The following ASB15 variants were observed in gnomAD, a reference collection of about 807,000 sequenced individuals.
The protein encoded by ASB15 is ankyrin repeat and SOCS box containing 15, also known as ankyrin repeat and SOCS box protein 15.
In ASB15, 54 loss-of-function variants were observed where a neutral mutation model predicts 58.0. That is an observed-to-expected ratio of 0.93 (90% CI 0.75 to 1.17). The LOEUF (loss-of-function observed/expected upper bound fraction) is 1.17. ASB15 is among the 50% of genes most tolerant of loss of function. The pLI, the probability that ASB15 is intolerant of heterozygous loss-of-function variation, is 0.00. For synonymous variants in ASB15, 249 were observed against 262.4 expected (o/e 0.95, Z 0.50); for missense variants, 680 against 707.4 (o/e 0.96, Z 0.44).
chr7:123,596,020 A>G lies in ASB15; in HGVS notation c.-442-8012A>G, dbSNP rs55899612. On this transcript the variant is annotated intron_variant, in intron 1 of 13. Coordinates refer to the ASB15 transcript ENST00000451558. Reference sequence around the variant, plus strand: ...AAATCTTGAAATCAAGCCATAACTAAGCCAAATATGTAGTAAATACTTTGG... The same window carrying G: ...AAATCTTGAAATCAAGCCATAACTAGGCCAAATATGTAGTAAATACTTTGG... Among the ~76,000 whole-genome samples the G allele has an allele frequency of 7.5e-3, 1,140 of 152,320 alleles. 17 individuals carry two copies. The highest frequency in any genetic ancestry group is 0.026 in the African/African-American group (1,095 of 41,562).
chr7:123,577,223 C>A (rs1315784166), intron 1 of ASB15, among the ~76,000 whole-genome samples: 1 of 151,996 alleles, frequency 6.6e-6, no homozygotes, highest in Non-Finnish European at 1.5e-5. Context: ...GAGTTTTTCC[C>A]ATTATTGCAG....
chr7:123,626,234 T>C (rs954499928), intron 8 of ASB15, among the ~76,000 whole-genome samples: 1 of 152,230 alleles, frequency 6.6e-6, no homozygotes, highest in Non-Finnish European at 1.5e-5. Flanking sequence ...CCGGGCACCA[T>C]GGCTCATGCC....
rs150811131 is a variant in ASB15 at position 123,608,400 on chromosome 7, T to A, written c.-63-194T>A. Among the ~76,000 whole-genome samples the A allele has an allele frequency of 5.6e-3, 859 of 152,364 alleles. 8 individuals are homozygous for A. The highest frequency in any genetic ancestry group is 0.037 in the Middle Eastern group (11 of 294). On this transcript the variant is annotated intron_variant, in intron 2 of 11. Transcript: ENST00000451215. ...CATGCCAGATATCATGTTTAGTTTC[T>A]ACAGATCATTTTGCCTTTTATATCT...
chr7:123,631,531 A>C (rs1448058342), intron 11 of ASB15, among the ~76,000 whole-genome samples: 1 of 152,130 alleles, frequency 6.6e-6, no homozygotes, highest in African/African-American at 2.4e-5. Context: ...GCATTCTTGA[A>C]AACCACTTCT....
intron 1 of ASB15, among the ~76,000 whole-genome samples, chr7:123,585,531 A>G (rs918321266): frequency 6.6e-5 from 10 of 151,848 alleles, no homozygotes; most frequent in African/African-American, 2.4e-4. Context: ...TAAAACGTGT[A>G]TATACATAAT....
chr7:123,590,313 C>G (rs1039712522), intron 1 of ASB15, among the ~76,000 whole-genome samples: 11 of 152,158 alleles, frequency 7.2e-5, no homozygotes, highest in Non-Finnish European at 1.2e-4. Flanking sequence ...TGTGCAGAAG[C>G]TCTTTAGTTT....
intron 1 of ASB15, among the ~76,000 whole-genome samples, chr7:123,578,828 G>C (rs1429746264): frequency 6.6e-6 from 1 of 151,834 alleles, no homozygotes; most frequent in Admixed American, 6.6e-5. Context: ...CCCTATTTTT[G>C]TCAATCTATT....
chr7:123,619,879 A>C (rs1010772530), intron 7 of ASB15: 1 of 152,354 alleles, frequency 6.6e-6, no homozygotes, highest in Non-Finnish European at 1.5e-5. Flanking sequence ...AATTCAGATA[A>C]GATGGGAAAA....
chr7:123,623,987 GAAAGAA>G (rs1562936095), intron 7 of ASB15, among the ~76,000 whole-genome samples: 26 of 128,692 alleles, frequency 2.0e-4, no homozygotes, highest in Non-Finnish European at 3.3e-4. Context: ...AAGAAAGAAA[GAAAGAA>G]AGAGAAAGGA....
In ASB15 at chr7:123,623,434, T is replaced by C. The variant is rs114402526; in HGVS notation, c.452-1135T>C. Among the ~76,000 whole-genome samples the C allele has an allele frequency of 6.8e-3, 1,032 of 152,254 alleles. 13 individuals are homozygous for C. Among genetic ancestry groups the C allele is most frequent in the African/African-American group, 0.024 (980 of 41,550 alleles). ...ACAGTATAATTTCAGCCATTAGAGA[T>C]GAGCAGAGAGGGAGAGGGACAACTG... On this transcript the variant is annotated intron_variant, in intron 7 of 11. Coordinates refer to ENST00000451215, the MANE Select transcript of ASB15 (RefSeq NM_001290258.2).
upstream of ASB15, among the ~76,000 whole-genome samples, chr7:123,601,681 A>T (rs928703705): frequency 2.6e-5 from 4 of 152,162 alleles, no homozygotes; most frequent in African/African-American, 9.7e-5. Context: ...TAATCTTATT[A>T]TACCTCTGTA....
chr7:123,589,588 GT>G (rs1418312412), intron 1 of ASB15, among the ~76,000 whole-genome samples: 1 of 151,962 alleles, frequency 6.6e-6, no homozygotes. Flanking sequence ...TTATGTCCTT[GT>G]GATATTTTGC....
intron 1 of ASB15, among the ~76,000 whole-genome samples, chr7:123,591,996 A>G (rs946408429): frequency 1.3e-5 from 2 of 152,110 alleles, no homozygotes; most frequent in African/African-American, 4.8e-5. Flanking sequence ...TGGTCTATTC[A>G]GAGATTCAAC....
chr7:123,616,588 A>G (rs913133373), intron 6 of ASB15, 93 bp downstream of exon 6: 52 of 1,332,676 alleles, frequency 3.9e-5, no homozygotes, highest in Non-Finnish European at 5.0e-5. Context: ...ACTAGCAGAA[A>G]GAAAAGGCAG....
At position 123,614,593 on chromosome 7, in the gene ASB15, G is replaced by A. The variant is rs117305226; in HGVS notation, c.91G>A (p.Ala31Thr). 1,390 of 1,603,130 alleles carry A rather than the reference G, an allele frequency of 8.7e-4. 46 individuals are homozygous for A. The East Asian group carries it at 0.031, about 35-fold the overall frequency. ...AGAATCCATTGAAGCCAGCAAGACT[G>A]CACTTTGTCCTGAAAGGTAGTATTC... Reference protein sequence around the residue: ...IQESIEASKTALCPERFVPLS... With the variant: ...IQESIEASKTTLCPERFVPLS... The change falls in exon 4 of 12, where the codon GCA becomes ACA. Residue 31 changes from alanine (A) to threonine (T), a missense_variant. Ala to Thr is a moderately conservative substitution (Grantham distance 58, BLOSUM62 0). Coordinates refer to ENST00000451215, the MANE Select transcript of ASB15 (RefSeq NM_001290258.2).
At chr7:123,592,799 G>A (rs189796873) in intron 1 of ASB15, among the ~76,000 whole-genome samples, 4 of 150,180 alleles carry the variant, frequency 2.7e-5, no homozygotes, top group Admixed American at 2.0e-4. Context: ...TGTGCATTAC[G>A]TCTGAATTCA....
intron 1 of ASB15, among the ~76,000 whole-genome samples, chr7:123,570,977 G>A (rs1288438234): frequency 6.6e-6 from 1 of 152,122 alleles, no homozygotes; most frequent in African/African-American, 2.4e-5. Context: ...ATTTCCATCT[G>A]TAAAACACAC....
chr7:123,579,754 G>A (rs1188707663), intron 1 of ASB15, among the ~76,000 whole-genome samples: 2 of 151,960 alleles, frequency 1.3e-5, no homozygotes, highest in African/African-American at 4.8e-5. Flanking sequence ...TTATGCTATA[G>A]AATGCATTGT....
intron 7 of ASB15, 54 bp downstream of exon 7, chr7:123,617,791 T>G: frequency 2.0e-6 from 3 of 1,514,604 alleles, no homozygotes; most frequent in Non-Finnish European, 1.8e-6. Flanking sequence ...GAATAAGTAT[T>G]TATTGGAAAC....
Sources: allele counts gnomAD v4.1 joint callset (sites outside exome capture counted in the v4.1 genomes callset), GRCh38; gene constraint gnomAD v4.1.1; transcripts MANE v1.5; gene names NCBI Gene and HGNC (gene_info 2026-07-23, HGNC 2026-07-21).